The following NOP9 variants were observed in gnomAD, a reference collection of about 807,000 sequenced individuals.
NOP9 encodes the protein NOP9 nucleolar protein.
NOP9 carries 50 observed loss-of-function variants against 63.0 expected under a neutral mutation model. The ratio of observed to expected loss-of-function variants is 0.79; its 90% CI spans 0.63 to 1.00. The LOEUF is 1.00. Among genes scored for constraint, NOP9 ranks in the 50% least tolerant of loss-of-function variants. The probability of loss-of-function intolerance (pLI) is 0.00; values close to 1 mark genes in which losing one functional copy is unlikely to be tolerated. For missense variants in NOP9, 758 were observed against 803.0 expected (o/e 0.94, Z 0.68); for synonymous variants, 343 against 332.8 (o/e 1.03, Z -0.33).
chr14:24,295,478 G>T (rs2041233851), upstream of NOP9, among the ~76,000 whole-genome samples: 1 of 152,218 alleles, frequency 6.6e-6, no homozygotes, highest in Non-Finnish European at 1.5e-5. Flanking sequence ...CATGGGGAAT[G>T]GGTGGGCAGG....
chr14:24,305,376 A>C lies in NOP9; in HGVS notation c.*281A>C, dbSNP rs369738234. ...GCTGGGATCAAGATGCCTGGGGGAC[A>C]TCTTGATCTTGGCCTTTCAGGGCAA... On this transcript the variant is annotated 3_prime_UTR_variant, in exon 10 of 10. Coordinates refer to ENST00000267425, the MANE Select transcript of NOP9 (RefSeq NM_174913.3). 17 of 571,570 alleles carry C rather than the reference A, an allele frequency of 3.0e-5. No homozygotes were observed. Among genetic ancestry groups the C allele is most frequent in the Non-Finnish European group, 4.1e-5 (14 of 338,000 alleles). 35.4% of individuals were successfully genotyped at this position (571,570 alleles called of 1,614,324 possible). A position where few individuals can be genotyped will look rare whatever the true frequency, so the allele number is the denominator to read the frequency against.
chr14:24,291,669 C>T, the NOP9 span: 1 of 1,580,760 alleles, frequency 6.3e-7, no homozygotes, highest in Admixed American at 1.7e-5. Context: ...TTTCCAAGAG[C>T]ACTGCCCAGG....
At chr14:24,279,798 C>T in the NOP9 span, among the ~76,000 whole-genome samples, 1 of 152,190 alleles carries the variant, frequency 6.6e-6, no homozygotes, top group African/African-American at 2.4e-5. Context: ...TGCCCAGCTG[C>T]AGGGGGCACC....
rs2041474435 is a variant in NOP9 at position 24,305,629 on chromosome 14, C to T, written c.*534C>T. 1 of 1,609,124 alleles carries T rather than the reference C, an allele frequency of 6.2e-7. No homozygotes were observed. Among genetic ancestry groups the T allele is most frequent in the African/African-American group, 1.3e-5 (1 of 74,658 alleles). On this transcript the variant is annotated 3_prime_UTR_variant, in exon 10 of 10. Coordinates refer to ENST00000267425, the MANE Select transcript of NOP9 (RefSeq NM_174913.3). The stretch of plus-strand genomic sequence containing the variant: ...TGATTCTGGGGGCAGAAGCTCAGAG[C>T]CCCTTAGTAGGAATGGAGGCGGCCC...
chr14:24,299,012 G>A (rs1040694859), upstream of NOP9: 4 of 1,613,992 alleles, frequency 2.5e-6, no homozygotes, highest in South Asian at 1.1e-5. Context: ...GTAAACTGTG[G>A]CGCCTGCTTT....
chr14:24,274,993 A>G, the NOP9 span, among the ~76,000 whole-genome samples: 2 of 145,972 alleles, frequency 1.4e-5, no homozygotes, highest in East Asian at 4.0e-4. Flanking sequence ...GCTCACTGCA[A>G]CTTGTGCCTC....
upstream of NOP9, chr14:24,298,936 G>A (rs2041313441): frequency 6.3e-7 from 1 of 1,589,342 alleles, no homozygotes; most frequent in Non-Finnish European, 8.6e-7. Flanking sequence ...CTGCAACTGT[G>A]GTCCCAGAGG....
At chr14:24,297,017 G>GCGTTGCCT, upstream of NOP9, 13 of 1,197,132 alleles carry the variant, frequency 1.1e-5, no homozygotes, top group Non-Finnish European at 1.3e-5. Flanking sequence ...CAACATGGCA[G>GCGTTGCCT]GCAACGCTGC....
At chr14:24,281,475 G>T in the NOP9 span, among the ~76,000 whole-genome samples, 2 of 152,346 alleles carry the variant, frequency 1.3e-5, no homozygotes, top group South Asian at 4.1e-4. Flanking sequence ...GACAGCAGGA[G>T]AATGGGGGAT....
At chr14:24,298,957 C>T (rs74731195), upstream of NOP9, 3 of 1,605,256 alleles carry the variant, frequency 1.9e-6, no homozygotes, top group South Asian at 1.1e-5. Flanking sequence ...AAGCACTCAC[C>T]TCCTGAGCAA....
the NOP9 span, chr14:24,271,230 C>G: frequency 7.5e-7 from 1 of 1,332,040 alleles, no homozygotes; most frequent in South Asian, 1.6e-5. Context: ...ACAGCTGTGT[C>G]CGGAAGCAGC....
chr14:24,299,205 G>A, upstream of NOP9: 2 of 1,391,514 alleles, frequency 1.4e-6, no homozygotes. Context: ...GGGGGTAGGG[G>A]AGAACCTCAC....
chr14:24,296,180 A>T (rs1207299852), upstream of NOP9, among the ~76,000 whole-genome samples: 2 of 152,142 alleles, frequency 1.3e-5, no homozygotes, highest in Non-Finnish European at 2.9e-5. Flanking sequence ...CCCTCTAACC[A>T]TTTTGAAAGT....
At chr14:24,297,701 C>G (rs1354001437), upstream of NOP9, among the ~76,000 whole-genome samples, 3 of 152,334 alleles carry the variant, frequency 2.0e-5, no homozygotes, top group African/African-American at 7.2e-5. Flanking sequence ...AAGACCCACT[C>G]TTTCCTCTCC....
At chr14:24,296,454 C>T, upstream of NOP9, 6 of 1,565,796 alleles carry the variant, frequency 3.8e-6, no homozygotes, top group South Asian at 2.2e-5. Flanking sequence ...AAGGCCTGGC[C>T]GTCGAGTTGG....
At chr14:24,276,933 G>GGACGGGA in the NOP9 span, among the ~76,000 whole-genome samples, 1 of 152,166 alleles carries the variant, frequency 6.6e-6, no homozygotes, top group Non-Finnish European at 1.5e-5. Context: ...GTTTAGTGGG[G>GGACGGGA]GACGGGAGAC....
In NOP9 at chr14:24,307,894, G is replaced by A; in HGVS notation, c.*2799G>A. 6.4e-7 allele frequency: 1 copy of A among 1,561,222 alleles called. No individual in the cohort carries two copies. Among genetic ancestry groups the A allele is most frequent in the Non-Finnish European group, 8.7e-7 (1 of 1,149,376 alleles). On this transcript the variant is annotated 3_prime_UTR_variant, in exon 10 of 10. Transcript: ENST00000267425. ...AGAGTTCCTTCCCTGGAACTTCTGG[G>A]CTGGGTGGTTCTCTCCTGTGCTGGG...
In NOP9 at chr14:24,300,603, G is replaced by A. The variant is rs141399108; in HGVS notation, c.443G>A (p.Ser148Asn). 2.5e-3 allele frequency: 4,072 copies of A among 1,614,096 alleles called. 9 individuals carry two copies. The highest frequency in any genetic ancestry group is 3.1e-3 in the Non-Finnish European group (3,676 of 1,180,038). Reference protein sequence around the residue: ...CHRCGVHVLQSALLQLPRLLG... With the variant: ...CHRCGVHVLQNALLQLPRLLG... The stretch of plus-strand genomic sequence containing the variant: ...CGATGCGGGGTCCATGTATTACAAA[G>A]TGCTTTGCTACAGCTCCCTCGATTG... The change falls in exon 2 of 10, where the codon AGT becomes AAT. Residue 148 changes from serine (S) to asparagine (N), a missense_variant. Physicochemically the swap from Ser to Asn is conservative, Grantham distance 46 (BLOSUM62 1). Transcript: ENST00000267425.
At chr14:24,296,805 T>G (rs772642636), upstream of NOP9, 1 of 1,614,216 alleles carries the variant, frequency 6.2e-7, no homozygotes, top group Non-Finnish European at 8.5e-7. Context: ...ATCCACTTGC[T>G]CAAACAGGCT....
Sources: allele counts gnomAD v4.1 joint callset (sites outside exome capture counted in the v4.1 genomes callset), GRCh38; gene constraint gnomAD v4.1.1; transcripts MANE v1.5; gene names NCBI Gene and HGNC (gene_info 2026-07-23, HGNC 2026-07-21).